Variants in OR2L13 observed in about 807,000 individuals in gnomAD.
The protein encoded by OR2L13 is olfactory receptor 2L13.
OR2L13 carries 14 observed loss-of-function variants against 15.3 expected under a neutral mutation model. That is an observed-to-expected ratio of 0.91 (90% CI 0.60 to 1.43). The LOEUF (loss-of-function observed/expected upper bound fraction) is 1.43, where lower values mean the gene tolerates loss of function less well. Among genes scored for constraint, OR2L13 ranks in the 40% most tolerant of loss-of-function variants. The pLI, the probability that OR2L13 is intolerant of heterozygous loss-of-function variation, is 0.00. For synonymous variants in OR2L13, 152 were observed against 142.9 expected (o/e 1.06, Z -0.45); for missense variants, 367 against 387.9 (o/e 0.95, Z 0.45).
chr1:247,942,045 CA>C, the OR2L13 span, among the ~76,000 whole-genome samples: 1 of 152,066 alleles, frequency 6.6e-6, no homozygotes, highest in African/African-American at 2.4e-5. Context: ...TACACACATA[CA>C]CAAAAAAACT....
the OR2L13 span, among the ~76,000 whole-genome samples, chr1:248,057,860 TTTTA>T: frequency 1.3e-5 from 2 of 152,216 alleles, no homozygotes; most frequent in Non-Finnish European, 2.9e-5. Flanking sequence ...ATTTTGCTAA[TTTTA>T]TTTATTATTT....
At chr1:247,975,646 C>A in the OR2L13 span, 1 of 1,172,736 alleles carries the variant, frequency 8.5e-7, no homozygotes. Context: ...GAGAATCTTC[C>A]CTGTGAAGAT....
chr1:247,982,125 A>G, the OR2L13 span, among the ~76,000 whole-genome samples: 1 of 152,170 alleles, frequency 6.6e-6, no homozygotes, highest in African/African-American at 2.4e-5. Context: ...CATAATAACA[A>G]TTTTAAGTAG....
chr1:248,028,956 G>T, the OR2L13 span, among the ~76,000 whole-genome samples: 1 of 152,292 alleles, frequency 6.6e-6, no homozygotes, highest in African/African-American at 2.4e-5. Flanking sequence ...TTATGTAACA[G>T]CCAAGGTTTT....
chr1:247,991,230 A>G, the OR2L13 span: 13 of 1,459,062 alleles, frequency 8.9e-6, no homozygotes, highest in Non-Finnish European at 1.0e-5. Flanking sequence ...CTTAGAGTCA[A>G]AGCGCTAGGT....
the OR2L13 span, among the ~76,000 whole-genome samples, chr1:247,950,778 G>A: frequency 6.6e-6 from 1 of 152,108 alleles, no homozygotes; most frequent in Admixed American, 6.6e-5. Context: ...GGGGGATAAA[G>A]TGGGGACGGT....
the OR2L13 span, among the ~76,000 whole-genome samples, chr1:247,943,472 A>G: frequency 3.9e-5 from 6 of 152,170 alleles, no homozygotes; most frequent in East Asian, 5.8e-4. Flanking sequence ...TACTGGATAC[A>G]CTGAAATTGT....
the OR2L13 span, among the ~76,000 whole-genome samples, chr1:248,081,164 C>T: frequency 6.6e-6 from 1 of 151,914 alleles, no homozygotes; most frequent in African/African-American, 2.4e-5. Flanking sequence ...CTATGCAAAC[C>T]TTTATTAAGA....
At chr1:247,958,651 G>T in the OR2L13 span, among the ~76,000 whole-genome samples, 2,019 of 152,186 alleles carry the variant, frequency 0.013, 39 homozygotes, top group African/African-American at 0.044. Flanking sequence ...ATATATTTAG[G>T]ATAGTTAGCT....
the OR2L13 span, among the ~76,000 whole-genome samples, chr1:248,014,081 T>C: frequency 1.3e-5 from 2 of 152,144 alleles, no homozygotes; most frequent in Non-Finnish European, 2.9e-5. Flanking sequence ...ATTTCCTCAT[T>C]TGTACTTGGT....
the OR2L13 span, among the ~76,000 whole-genome samples, chr1:247,972,029 TA>T: frequency 6.6e-6 from 1 of 152,106 alleles, no homozygotes; most frequent in Non-Finnish European, 1.5e-5. Flanking sequence ...ACTGGGTAAA[TA>T]ACGAAATTAA....
chr1:248,067,234 T>A, the OR2L13 span, among the ~76,000 whole-genome samples: 1 of 152,222 alleles, frequency 6.6e-6, no homozygotes, highest in East Asian at 1.9e-4. Flanking sequence ...TATCATATTA[T>A]AGCAGAACTG....
the OR2L13 span, chr1:248,039,019 A>G: frequency 3.7e-6 from 6 of 1,613,956 alleles, no homozygotes; most frequent in South Asian, 3.3e-5. Flanking sequence ...TCCTTCTACT[A>G]TGCACCCTTT....
chr1:248,081,038 C>T, the OR2L13 span, among the ~76,000 whole-genome samples: 8 of 152,230 alleles, frequency 5.3e-5, no homozygotes, highest in African/African-American at 1.7e-4. Flanking sequence ...CATATCAGCT[C>T]ATTTTTAAAC....
At chr1:247,942,729 A>G in the OR2L13 span, among the ~76,000 whole-genome samples, 1 of 152,180 alleles carries the variant, frequency 6.6e-6, no homozygotes. Context: ...GGGTAAATAT[A>G]TATAAGAGAA....
At chr1:247,975,790 A>G in the OR2L13 span, 5 of 378,724 alleles carry the variant, frequency 1.3e-5, no homozygotes, top group African/African-American at 1.1e-4. Context: ...TTTAAAATTG[A>G]GTCTTGACAT....
the OR2L13 span, chr1:248,062,024 C>T: frequency 6.1e-6 from 1 of 163,306 alleles, no homozygotes; most frequent in Non-Finnish European, 1.3e-5. Flanking sequence ...AAATAAGTCT[C>T]TTGACTTGGT....
the OR2L13 span, among the ~76,000 whole-genome samples, chr1:248,002,340 G>A: frequency 3.2e-3 from 419 of 129,240 alleles, 1 homozygote; most frequent in African/African-American, 0.015. Flanking sequence ...CTGTTGTGCA[G>A]CCATCACTAC....
upstream of OR2L13, among the ~76,000 whole-genome samples, chr1:248,092,493 G>A (rs1248827315): frequency 6.6e-6 from 1 of 152,080 alleles, no homozygotes; most frequent in Non-Finnish European, 1.5e-5. Flanking sequence ...TAACTGAACA[G>A]CACCATCAAC....
Sources: gnomAD v4.1 joint callset for allele counts (sites outside exome capture counted in the v4.1 genomes callset) on GRCh38, gnomAD v4.1.1 for gene constraint, MANE v1.5 for transcripts, NCBI Gene and HGNC (gene_info 2026-07-23, HGNC 2026-07-21) for gene names.